CDK8: variants seen among roughly 807,000 people sequenced by gnomAD.
CDK8 encodes the protein cyclin dependent kinase 8, also known as cyclin-dependent kinase 8.
In CDK8, 29 loss-of-function variants were observed where a neutral mutation model predicts 71.5. The ratio of observed to expected loss-of-function variants is 0.41; its 90% CI spans 0.30 to 0.55. CDK8 has a LOEUF of 0.55. CDK8 is among the 20% of genes least tolerant of loss of function. The pLI, the probability that CDK8 is intolerant of heterozygous loss-of-function variation, is 0.37. For synonymous variants in CDK8, 161 were observed against 192.1 expected (o/e 0.84, Z 1.34); for missense variants, 288 against 572.6 (o/e 0.50, Z 5.07).
At chr13:26,321,325 T>C (rs1335870756) in intron 1 of CDK8, among the ~76,000 whole-genome samples, 1 of 152,086 alleles carries the variant, frequency 6.6e-6, no homozygotes, top group Non-Finnish European at 1.5e-5. Context: ...ATGAAGTACT[T>C]AGAGTAATTA....
At chr13:26,319,682 G>T (rs1410614678) in intron 1 of CDK8, among the ~76,000 whole-genome samples, 1 of 112,772 alleles carries the variant, frequency 8.9e-6, no homozygotes, top group Non-Finnish European at 2.0e-5. Flanking sequence ...AATCCAAATG[G>T]CTTTTTTTTT....
At chr13:26,270,344 A>G (rs1872248446) in intron 1 of CDK8, among the ~76,000 whole-genome samples, 1 of 151,548 alleles carries the variant, frequency 6.6e-6, no homozygotes. Flanking sequence ...AGCCAAGATC[A>G]CGCCATTGCA....
chr13:26,327,759 G>T (rs1345255211), intron 1 of CDK8, among the ~76,000 whole-genome samples: 1 of 152,158 alleles, frequency 6.6e-6, no homozygotes, highest in Non-Finnish European at 1.5e-5. Flanking sequence ...AACCCGGGAG[G>T]TGGAGGTTAC....
chr13:26,382,285 C>A (rs1361617248), intron 4 of CDK8, among the ~76,000 whole-genome samples: 1 of 152,134 alleles, frequency 6.6e-6, no homozygotes, highest in Non-Finnish European at 1.5e-5. Flanking sequence ...AAAACTGTTC[C>A]TGTCATGAAA....
chr13:26,317,361 T>C (rs1874558154), intron 1 of CDK8, among the ~76,000 whole-genome samples: 1 of 152,188 alleles, frequency 6.6e-6, no homozygotes. Context: ...AGTTCTGTGA[T>C]AATGAAGTTG....
At chr13:26,367,463 C>A (rs2138021544) in intron 4 of CDK8, among the ~76,000 whole-genome samples, 1 of 152,020 alleles carries the variant, frequency 6.6e-6, no homozygotes, top group East Asian at 1.9e-4. Flanking sequence ...TTGTTTGAAT[C>A]TTTGTTCTAC....
intron 1 of CDK8, among the ~76,000 whole-genome samples, chr13:26,258,899 C>T (rs1871647198): frequency 6.6e-6 from 1 of 152,022 alleles, no homozygotes; most frequent in South Asian, 2.1e-4. Flanking sequence ...GTTACTTAAC[C>T]CAACATGTCT....
At chr13:26,321,225 A>G (rs1874760137) in intron 1 of CDK8, among the ~76,000 whole-genome samples, 1 of 152,182 alleles carries the variant, frequency 6.6e-6, no homozygotes, top group South Asian at 2.1e-4. Flanking sequence ...GGAAATTCTG[A>G]CATACGATAC....
intron 4 of CDK8, chr13:26,358,993 C>A: frequency 3.5e-6 from 1 of 284,988 alleles, no homozygotes. Context: ...TGCCACTGCA[C>A]TTCAGCCTGG....
At chr13:26,283,145 A>T (rs1872835781) in intron 1 of CDK8, among the ~76,000 whole-genome samples, 1 of 152,230 alleles carries the variant, frequency 6.6e-6, no homozygotes, top group Non-Finnish European at 1.5e-5. Context: ...ACAGGTCATC[A>T]AGACAGAAAG....
Position 26,309,917 on chromosome 13 carries a change from G to A in CDK8, c.129-27650G>A, listed in dbSNP as rs537159840. On this transcript the variant is annotated intron_variant, in intron 1 of 12. Transcript: ENST00000381527. ...TTACAGGCACACGCCACCATGTCTG[G>A]CTAATTTTTTGTATTTTTAGTAGAG... Among the ~76,000 whole-genome samples, 7 of 152,206 alleles carry A rather than the reference G, an allele frequency of 4.6e-5. No individual in the cohort carries two copies. The South Asian group carries it at 1.5e-3, about 32-fold the overall frequency.
At chr13:26,344,403 C>T (rs772791533) in intron 2 of CDK8, among the ~76,000 whole-genome samples, 11 of 152,028 alleles carry the variant, frequency 7.2e-5, no homozygotes, top group Non-Finnish European at 1.0e-4. Flanking sequence ...TTAGCCTAGG[C>T]CTACACAGGG....
chr13:26,278,210 T>C (rs1872623901), intron 1 of CDK8, among the ~76,000 whole-genome samples: 1 of 152,244 alleles, frequency 6.6e-6, no homozygotes, highest in South Asian at 2.1e-4. Flanking sequence ...GGAATCACTA[T>C]TTCTTAGAGA....
At chr13:26,394,017 A>T (rs1448651708) in intron 7 of CDK8, among the ~76,000 whole-genome samples, 2 of 152,208 alleles carry the variant, frequency 1.3e-5, no homozygotes. Flanking sequence ...TGTGGGTGAG[A>T]GTCATAGTAC....
intron 1 of CDK8, among the ~76,000 whole-genome samples, chr13:26,264,499 A>G (rs1328849360): frequency 2.6e-5 from 4 of 152,108 alleles, no homozygotes; most frequent in Admixed American, 6.5e-5. Flanking sequence ...GTAACTATTT[A>G]CTGAATGTCT....
intron 4 of CDK8, among the ~76,000 whole-genome samples, chr13:26,380,501 T>G (rs1875169455): frequency 6.6e-6 from 1 of 151,428 alleles, no homozygotes; most frequent in African/African-American, 2.4e-5. Context: ...TTTGTTTTTT[T>G]GAGATAGGGT....
chr13:26,275,303 T>C (rs1480571073), intron 1 of CDK8, among the ~76,000 whole-genome samples: 1 of 152,238 alleles, frequency 6.6e-6, no homozygotes, highest in Non-Finnish European at 1.5e-5. Context: ...ACTCAAGGTC[T>C]AAAAAGTATT....
At chr13:26,353,431 C>T (rs984447824) in intron 3 of CDK8, among the ~76,000 whole-genome samples, 1 of 150,340 alleles carries the variant, frequency 6.7e-6, no homozygotes, top group Admixed American at 6.6e-5. Flanking sequence ...ACCAGATAAA[C>T]AGGAATCAAG....
chr13:26,367,295 A>G (rs144307370), intron 4 of CDK8, among the ~76,000 whole-genome samples: 1 of 152,324 alleles, frequency 6.6e-6, no homozygotes, highest in East Asian at 1.9e-4. Context: ...AAAATAAAGA[A>G]CAACAAAAGG....
Sources: allele counts gnomAD v4.1 joint callset (sites outside exome capture counted in the v4.1 genomes callset), GRCh38; gene constraint gnomAD v4.1.1; transcripts MANE v1.5; gene names NCBI Gene and HGNC (gene_info 2026-07-23, HGNC 2026-07-21).